PCLO: variants seen among roughly 807,000 people sequenced by gnomAD.
The protein encoded by PCLO is protein piccolo.
In PCLO, 82 loss-of-function variants were observed where a neutral mutation model predicts 427.5. The ratio of observed to expected loss-of-function variants is 0.19; its 90% confidence interval spans 0.16 to 0.23. The LOEUF (loss-of-function observed/expected upper bound fraction) is 0.23, where lower values mean the gene tolerates loss of function less well. Ranked by LOEUF, PCLO falls within the 10% of genes least tolerant of loss-of-function variation. The probability of loss-of-function intolerance (pLI) is 1.00; values close to 1 mark genes in which losing one functional copy is unlikely to be tolerated. For synonymous variants in PCLO, 2,357 were observed against 2,155.4 expected, an observed-to-expected ratio of 1.09 and a Z score of -2.59; for missense variants, 6,239 against 6,115.9, an observed-to-expected ratio of 1.02 and a Z score of -0.67.
At chr7:83,087,621 A>G (rs1790271687) in intron 3 of PCLO, among the ~76,000 whole-genome samples, 1 of 152,152 alleles carries the variant, frequency 6.6e-6, no homozygotes. Flanking sequence ...TAATGGGTGA[A>G]TTTTATCATT....
chr7:82,942,834 T>A (rs1382964248), intron 6 of PCLO, among the ~76,000 whole-genome samples: 8 of 152,120 alleles, frequency 5.3e-5, no homozygotes, highest in Non-Finnish European at 8.8e-5. Context: ...ATGAGGCTTC[T>A]ATTATTTACA....
chr7:82,860,971 A>G (rs954704158), intron 10 of PCLO, among the ~76,000 whole-genome samples: 10 of 152,100 alleles, frequency 6.6e-5, no homozygotes, highest in African/African-American at 2.4e-4. Flanking sequence ...ATATATACGC[A>G]AAAAATAAAA....
chr7:83,134,347 A>G lies in PCLO; in HGVS notation c.3203T>C (p.Ile1068Thr). ...GAAGTTAGGAGGATCCTTAGAACCT[A>G]TGTTGAGTTCAGTTTTGCAGAGAGG... Reference protein sequence around the residue: ...TCPLCKTELNIGSKDPPNFNT... With the variant: ...TCPLCKTELNTGSKDPPNFNT... The change falls in exon 3 of 25, where the codon ATA becomes ACA. Residue 1068 changes from isoleucine (I) to threonine (T), a missense_variant. This residue lies in a region of PCLO where 4,677 missense variants were observed against 4,468.4 expected (regional missense o/e 1.05). Transcript: ENST00000333891. 6.2e-7 allele frequency: 1 copy of G among 1,612,530 alleles called. No homozygotes were observed. Among genetic ancestry groups the G allele is most frequent in the Non-Finnish European group, 8.5e-7 (1 of 1,179,236 alleles).
chr7:83,087,467 T>A (rs1790266885), intron 3 of PCLO, among the ~76,000 whole-genome samples: 2 of 151,064 alleles, frequency 1.3e-5, no homozygotes, highest in African/African-American at 4.9e-5. Context: ...TTTTTCAAAG[T>A]GTGAAAAAAA....
At chr7:82,986,666 T>A (rs2115811678) in intron 3 of PCLO, among the ~76,000 whole-genome samples, 1 of 152,096 alleles carries the variant, frequency 6.6e-6, no homozygotes, top group Non-Finnish European at 1.5e-5. Flanking sequence ...ATAAACATTT[T>A]ACAAATAAAA....
At chr7:82,946,607 G>A (rs562689165) in intron 6 of PCLO, among the ~76,000 whole-genome samples, 17 of 152,210 alleles carry the variant, frequency 1.1e-4, no homozygotes, top group Non-Finnish European at 1.6e-4. Flanking sequence ...GCACAGACTC[G>A]TGCCCTGGGT....
intron 11 of PCLO, among the ~76,000 whole-genome samples, 195 bp downstream of exon 11, chr7:82,846,944 A>T (rs1038478012): frequency 8.5e-5 from 13 of 152,172 alleles, no homozygotes; most frequent in African/African-American, 2.9e-4. Context: ...CCATAAAAGC[A>T]TGAAAGGGAA....
At chr7:82,776,518 G>A (rs1790753086) in intron 22 of PCLO, among the ~76,000 whole-genome samples, 2 of 152,152 alleles carry the variant, frequency 1.3e-5, no homozygotes, top group Admixed American at 1.3e-4. Context: ...ATCTGGGCTG[G>A]GGATGGTGAC....
chr7:82,768,268 C>T (rs1421848462), intron 22 of PCLO, among the ~76,000 whole-genome samples: 1 of 151,848 alleles, frequency 6.6e-6, no homozygotes, highest in Admixed American at 6.6e-5. Context: ...ACTAAAAATA[C>T]AAAAATTAGC....
Position 83,134,733 on chromosome 7 carries a change from G to A in PCLO, c.2817C>T (p.Phe939=), listed in dbSNP as rs776553494. 5 of 1,613,896 alleles carry A rather than the reference G, an allele frequency of 3.1e-6. No individual in the cohort carries two copies. In the South Asian group the frequency reaches 3.3e-5, roughly 11 times the overall value. The stretch of plus-strand genomic sequence containing the variant: ...TGGAAATTAAATTTGATGCCTGGCT[G>A]AAGATTGATGCTCCAAACCCAAAGA... ...GKLFGFGASI[F]SQASNLISTA... is the part of the protein sequence containing the mutation. The change falls in exon 3 of 25, where the codon TTC becomes TTT. Residue 939 remains phenylalanine, a synonymous_variant. Coordinates refer to ENST00000333891, the MANE Select transcript of PCLO (RefSeq NM_033026.6).
chr7:82,820,575 T>A, intron 20 of PCLO: 1 of 1,227,634 alleles, frequency 8.1e-7, no homozygotes, highest in Non-Finnish European at 1.0e-6. Context: ...GAAACACGAG[T>A]GGAAAATGTC....
Position 83,121,913 on chromosome 7 carries a change from A to C in PCLO, c.3300+12337T>G, listed in dbSNP as rs1224387907. Among the ~76,000 whole-genome samples the C allele has an allele frequency of 5.3e-5, 8 of 152,168 alleles. No homozygotes were observed. In the East Asian group the frequency reaches 1.5e-3, roughly 29 times the overall value. ...CATTTATGCAAAAATCCCCAACAAA[A>C]TACTAGTAAACCAAATTCCAACAAC... is the stretch of plus-strand genomic sequence containing the variant. On this transcript the variant is annotated intron_variant, in intron 3 of 24. Transcript: ENST00000333891.
At chr7:83,050,973 T>C (rs1032343624) in intron 3 of PCLO, among the ~76,000 whole-genome samples, 16 of 151,902 alleles carry the variant, frequency 1.1e-4, no homozygotes, top group Admixed American at 3.3e-4. Context: ...AAAAATAATA[T>C]GATTATATGA....
rs1790355410 is a variant in PCLO at position 82,758,125 on chromosome 7, A to G, written c.*450T>C. On this transcript the variant is annotated 3_prime_UTR_variant, in exon 25 of 25. Transcript: ENST00000333891. ...AAGCAGCAAGTTGTCTGAATAGAAG[A>G]CGATGAAGGAAGATTTTTGAAGTTT... 1 of 152,490 alleles carries G rather than the reference A, an allele frequency of 6.6e-6. No individual in the cohort carries two copies. Among genetic ancestry groups the G allele is most frequent in the African/African-American group, 2.4e-5 (1 of 41,414 alleles). The allele number at this position is 152,490 out of a possible 1,614,324, so 9.4% of individuals were successfully genotyped here.
Position 82,760,722 on chromosome 7 carries a change from T to C in PCLO, c.15205A>G (p.Thr5069Ala). Residue 5069 changes from threonine to alanine, a missense_variant, in exon 24 of 25, where the codon ACA (threonine) becomes GCA (alanine). Physicochemically the swap from Thr to Ala is moderately conservative, Grantham distance 58. This residue lies in a region of PCLO where 877 missense variants were observed against 925.5 expected (regional missense o/e 0.95). Coordinates refer to ENST00000333891, the MANE Select transcript of PCLO (RefSeq NM_033026.6). ...TCTCGATCATGTCTGCATACTCTTG[T>C]TTTTTTCTTGATCACCTTTTTTTGG... ...STQKKVIKKK[T>A]RVCRHDREPS... The C allele has an allele frequency of 6.3e-7, 1 of 1,583,504 alleles. No individual in the cohort carries two copies. Among genetic ancestry groups the C allele is most frequent in the Non-Finnish European group, 8.7e-7 (1 of 1,155,356 alleles).
At chr7:82,945,521 A>G (rs2116399973) in intron 6 of PCLO, among the ~76,000 whole-genome samples, 1 of 152,342 alleles carries the variant, frequency 6.6e-6, no homozygotes, top group South Asian at 2.1e-4. Flanking sequence ...GCCTAAATCA[A>G]TATGGTAGTA....
intron 17 of PCLO, 95 bp downstream of exon 17, chr7:82,827,778 G>T: frequency 4.7e-6 from 3 of 641,190 alleles, no homozygotes; most frequent in Non-Finnish European, 7.8e-6. Flanking sequence ...TTGTTTGATT[G>T]GCAAAATGTA....
chr7:82,994,766 A>G (rs1395676433), intron 3 of PCLO, among the ~76,000 whole-genome samples: 2 of 151,996 alleles, frequency 1.3e-5, no homozygotes, highest in Non-Finnish European at 2.9e-5. Flanking sequence ...TTGGAGTGAG[A>G]AACCAAAGTG....
chr7:82,906,809 T>C (rs1244458633), intron 8 of PCLO, among the ~76,000 whole-genome samples: 3 of 151,972 alleles, frequency 2.0e-5, no homozygotes, highest in African/African-American at 7.2e-5. Context: ...TGTTTGTATG[T>C]TAGATGTGAA....
Sources: gnomAD v4.1 joint callset for allele counts (sites outside exome capture counted in the v4.1 genomes callset) on GRCh38, gnomAD v4.1.1 for gene constraint, gnomAD v4.1.1 regional missense constraint, MANE v1.5 for transcripts, NCBI Gene and HGNC (gene_info 2026-07-23, HGNC 2026-07-21) for gene names.